The following LINGO2 variants were observed in gnomAD, a reference collection of about 807,000 sequenced individuals.
LINGO2 encodes leucine-rich repeat and immunoglobulin-like domain-containing nogo receptor-interacting protein 2.
A neutral mutation model predicts 30.6 loss-of-function variants in LINGO2; 14 were observed. That is an observed-to-expected ratio of 0.46 (90% CI 0.30 to 0.72). The LOEUF is 0.72. Among genes scored for constraint, LINGO2 ranks in the 30% least tolerant of loss-of-function variants. LINGO2 has a pLI of 0.07. For synonymous variants in LINGO2, 317 were observed against 288.5 expected, an observed-to-expected ratio of 1.10 and a Z score of -1.00; for missense variants, 729 against 751.7, an observed-to-expected ratio of 0.97 and a Z score of 0.35.
At chr9:27,945,759 C>T (rs376628637), downstream of LINGO2, among the ~76,000 whole-genome samples, 6 of 152,074 alleles carry the variant, frequency 3.9e-5, no homozygotes, top group African/African-American at 1.4e-4. Flanking sequence ...AAAGCACCAG[C>T]GTTTCACTCA....
At chr9:29,069,900 A>C in the LINGO2 span, among the ~76,000 whole-genome samples, 1 of 152,072 alleles carries the variant, frequency 6.6e-6, no homozygotes, top group Non-Finnish European at 1.5e-5. Flanking sequence ...GCATAACAGG[A>C]TATACAGCAC....
rs940443401 is a variant in LINGO2, at chr9:28,148,914, G to A, written c.-86-136509C>T. On this transcript the variant is annotated intron_variant, in intron 4 of 5. Transcript: ENST00000379992. This position sits in a 1 kb window ranked among gnomAD's most constrained non-coding sequence, Gnocchi z 5.1. The stretch of plus-strand genomic sequence containing the variant: ...AAGGATCCTGCAGCTCTTGGGTCAA[G>A]TAGGTCTTCTCCACACAGAGCTGCC... 23 of 1,533,824 alleles carry A rather than the reference G, an allele frequency of 1.5e-5. No homozygotes were observed. In the African/African-American group the frequency reaches 3.0e-4, roughly 20 times the overall value.
chr9:29,103,636 A>G, the LINGO2 span, among the ~76,000 whole-genome samples: 2 of 152,286 alleles, frequency 1.3e-5, no homozygotes, highest in East Asian at 1.9e-4. Flanking sequence ...TAAACACCAA[A>G]TATCAATACT....
At chr9:27,976,417 T>A (rs991064853) in intron 5 of LINGO2, among the ~76,000 whole-genome samples, 4 of 152,078 alleles carry the variant, frequency 2.6e-5, no homozygotes, top group African/African-American at 4.8e-5. Context: ...TGTCCCTCCA[T>A]ATTATAGTTT....
At chr9:28,872,253 T>C in the LINGO2 span, among the ~76,000 whole-genome samples, 1 of 152,060 alleles carries the variant, frequency 6.6e-6, no homozygotes, top group Admixed American at 6.6e-5. Context: ...GACTGATCCA[T>C]GAAATGTGTC....
chr9:28,080,597 T>C (rs1825746304), intron 4 of LINGO2: 1 of 152,196 alleles, frequency 6.6e-6, no homozygotes, highest in Admixed American at 6.6e-5. Context: ...AGTATCACCA[T>C]GGGAAAATTA....
intron 2 of LINGO2, among the ~76,000 whole-genome samples, chr9:28,396,167 A>G (rs939473985): frequency 2.0e-5 from 3 of 152,138 alleles, no homozygotes; most frequent in African/African-American, 7.2e-5. Flanking sequence ...ACAGACACTT[A>G]TATAGAAATT....
the LINGO2 span, among the ~76,000 whole-genome samples, chr9:28,980,308 T>G: frequency 3.3e-5 from 5 of 152,114 alleles, no homozygotes; most frequent in African/African-American, 4.8e-5. Flanking sequence ...TCCATCTTTA[T>G]GTCTCTATAA....
chr9:28,457,478 A>G (rs115643482), intron 2 of LINGO2, among the ~76,000 whole-genome samples: 2,453 of 152,066 alleles, frequency 0.016, 61 homozygotes, highest in African/African-American at 0.055. Flanking sequence ...GCAGTGGACA[A>G]TCATCGCTCA....
chr9:28,201,292 T>C (rs1057324510), intron 4 of LINGO2, among the ~76,000 whole-genome samples: 3 of 143,458 alleles, frequency 2.1e-5, no homozygotes, highest in Non-Finnish European at 4.5e-5. Flanking sequence ...TGTGATCTCA[T>C]TGTTCAATTC....
chr9:28,137,752 T>C (rs559767538), intron 4 of LINGO2, among the ~76,000 whole-genome samples: 2 of 152,202 alleles, frequency 1.3e-5, no homozygotes, highest in African/African-American at 4.8e-5. Context: ...TTTTGATCAC[T>C]TAAAGATAGA....
At chr9:28,291,145 C>A (rs1169518985) in intron 4 of LINGO2, among the ~76,000 whole-genome samples, 1 of 152,186 alleles carries the variant, frequency 6.6e-6, no homozygotes, top group Non-Finnish European at 1.5e-5. Flanking sequence ...TATTTCCTGG[C>A]ATCCTTTCCA....
chr9:28,372,518 G>A (rs1013841035), intron 3 of LINGO2, among the ~76,000 whole-genome samples: 5 of 152,138 alleles, frequency 3.3e-5, no homozygotes, highest in Admixed American at 2.0e-4. Flanking sequence ...TGGAGAGAAT[G>A]GAATGATGAT....
chr9:28,852,510 A>G, the LINGO2 span, among the ~76,000 whole-genome samples: 2 of 152,048 alleles, frequency 1.3e-5, no homozygotes, highest in African/African-American at 4.8e-5. Context: ...ATACGGTTCT[A>G]TGCATACAGA....
chr9:29,149,540 G>A, the LINGO2 span, among the ~76,000 whole-genome samples: 1 of 151,844 alleles, frequency 6.6e-6, no homozygotes, highest in Non-Finnish European at 1.5e-5. Flanking sequence ...GGAGAAAGTC[G>A]GGAACCTTGT....
intron 4 of LINGO2, among the ~76,000 whole-genome samples, chr9:28,253,905 G>A (rs1822293785): frequency 6.6e-6 from 1 of 152,108 alleles, no homozygotes; most frequent in African/African-American, 2.4e-5. Flanking sequence ...TTTGCAGCGG[G>A]GAAGAGCCTG....
At chr9:27,997,598 C>G (rs1250176773) in intron 5 of LINGO2, among the ~76,000 whole-genome samples, 1 of 152,152 alleles carries the variant, frequency 6.6e-6, no homozygotes, top group Non-Finnish European at 1.5e-5. Context: ...ATACTTGCAG[C>G]TAATTTTTAC....
the LINGO2 span, among the ~76,000 whole-genome samples, chr9:28,933,468 T>C: frequency 6.6e-6 from 1 of 152,248 alleles, no homozygotes; most frequent in East Asian, 1.9e-4. Flanking sequence ...AATTTTTTTT[T>C]CCCGGAGCTT....
intron 1 of LINGO2, among the ~76,000 whole-genome samples, chr9:28,586,775 T>G (rs1488763676): frequency 6.6e-6 from 1 of 151,976 alleles, no homozygotes; most frequent in Non-Finnish European, 1.5e-5. Flanking sequence ...AGCAGGGCCG[T>G]GGAGAGAGGT....
Sources: allele counts gnomAD v4.1 joint callset (sites outside exome capture counted in the v4.1 genomes callset), GRCh38; gene constraint gnomAD v4.1.1; non-coding constraint Gnocchi (gnomAD v3.1); transcripts MANE v1.5; gene names NCBI Gene and HGNC (gene_info 2026-07-23, HGNC 2026-07-21).